Variants in HECTD4 observed in about 807,000 individuals in gnomAD.
HECTD4 encodes probable E3 ubiquitin-protein ligase HECTD4.
Under a neutral mutation model 471.5 loss-of-function variants are expected in HECTD4, and 114 were observed. The ratio of observed to expected loss-of-function variants is 0.24; its 90% CI spans 0.21 to 0.28. The LOEUF is 0.28. Ranked by LOEUF, HECTD4 falls within the 10% of genes least tolerant of loss-of-function variation. The probability of loss-of-function intolerance (pLI) is 1.00; values close to 1 mark genes in which losing one functional copy is unlikely to be tolerated. For synonymous variants in HECTD4, 2,012 were observed against 2,256.0 expected, an observed-to-expected ratio of 0.89 and a Z score of 3.07; for missense variants, 3,866 against 5,651.5, an observed-to-expected ratio of 0.68 and a Z score of 10.13.
At chr12:112,334,248 T>G (rs977946897) in intron 1 of HECTD4, among the ~76,000 whole-genome samples, 1 of 143,106 alleles carries the variant, frequency 7.0e-6, no homozygotes, top group African/African-American at 2.6e-5. Context: ...AATAAATAAA[T>G]AAAGTGGGAG....
At chr12:112,211,634 G>C (rs140725811) in intron 49 of HECTD4, among the ~76,000 whole-genome samples, 5 of 152,086 alleles carry the variant, frequency 3.3e-5, no homozygotes, top group Non-Finnish European at 7.4e-5. Flanking sequence ...GGCAGGGCCG[G>C]GTTGTTGATG....
intron 72 of HECTD4, among the ~76,000 whole-genome samples, 170 bp from the exon 73 acceptor site, chr12:112,164,445 C>T (rs1034537094): frequency 2.0e-5 from 3 of 152,150 alleles, no homozygotes; most frequent in Non-Finnish European, 2.9e-5. Context: ...AGTTCAGGGC[C>T]GGGCGTGTGA....
chr12:112,362,929 C>T (rs190582305), intron 1 of HECTD4, among the ~76,000 whole-genome samples: 32 of 152,134 alleles, frequency 2.1e-4, no homozygotes, highest in Admixed American at 2.0e-3. Flanking sequence ...CTCGAATTCC[C>T]GACCTCATGT....
At chr12:112,360,957 C>A (rs1022778786) in intron 1 of HECTD4, among the ~76,000 whole-genome samples, 39 of 149,156 alleles carry the variant, frequency 2.6e-4, no homozygotes, top group African/African-American at 9.7e-4. Context: ...GCACTCCAGC[C>A]TGGTGAACAA....
intron 1 of HECTD4, among the ~76,000 whole-genome samples, chr12:112,358,621 G>C (rs1445055536): frequency 6.6e-6 from 1 of 152,066 alleles, no homozygotes; most frequent in African/African-American, 2.4e-5. Flanking sequence ...TATGACCATA[G>C]ACAGATTATG....
chr12:112,220,464 C>A (rs145487917), intron 44 of HECTD4, among the ~76,000 whole-genome samples: 1 of 151,940 alleles, frequency 6.6e-6, no homozygotes, highest in African/African-American at 2.4e-5. Context: ...TGACTTCATT[C>A]GAGCATCCAG....
chr12:112,217,041 G>A lies in HECTD4; in HGVS notation c.7229C>T (p.Pro2410Leu), dbSNP rs757670391. The A allele has an allele frequency of 6.3e-7, 1 of 1,583,014 alleles. No homozygotes were observed. The highest frequency in any genetic ancestry group is 8.6e-7 in the Non-Finnish European group (1 of 1,161,014). The change falls in exon 46 of 76, where the codon CCA (proline) becomes CTA (leucine). Residue 2410 changes from proline (P) to leucine (L), a missense_variant. By Grantham distance (98) the Pro-to-Leu change is moderately conservative. Around this residue, in one of 16 missense-constraint regions of HECTD4, gnomAD observed 617 missense variants for 915.1 expected, o/e 0.67. Coordinates refer to ENST00000682272, the MANE Select transcript of HECTD4 (RefSeq NM_001388303.1). The stretch of plus-strand genomic sequence containing the variant: ...TGTCATGTGATGTCTCACCTGAACT[G>A]GCAGTGGTGAAGTGGCATAGATAAA... Reference protein sequence around the residue: ...GTFIYATSPLPVQAPSFYWEI... With the variant: ...GTFIYATSPLLVQAPSFYWEI...
chr12:112,224,415 C>T (rs1264961705), intron 44 of HECTD4, among the ~76,000 whole-genome samples: 2 of 151,790 alleles, frequency 1.3e-5, no homozygotes, highest in East Asian at 1.9e-4. Context: ...TACAGGTGCC[C>T]GCCACCACGC....
At chr12:112,172,954 C>CTG (rs1294573570) in intron 66 of HECTD4, 93 bp from the exon 67 acceptor site, 3 of 1,116,458 alleles carry the variant, frequency 2.7e-6, no homozygotes, top group Non-Finnish European at 4.0e-6. Flanking sequence ...TCCTCAGCTC[C>CTG]TGGAGCACAT....
rs59590181 is a variant in HECTD4 at position 112,367,820 on chromosome 12, CAAAAAAAAAA to C, written c.177+14122_177+14131del. On this transcript the variant is annotated intron_variant, in intron 1 of 75. Transcript: ENST00000682272. The stretch of plus-strand genomic sequence containing the variant: ...TGGGCAACAGAGGGAGACTCCATCT[CAAAAAAAAAA>C]AAAAAAAAAAAAAAAAAACGCTAAC... 4.8e-3 allele frequency among the ~76,000 whole-genome samples: 60 copies of C among 12,572 alleles called. No homozygotes were observed. The East Asian group carries it at 0.061, about 13-fold the overall frequency. 8.2% of individuals were successfully genotyped at this position (12,572 alleles called of 152,430 possible). A position where few individuals can be genotyped will look rare whatever the true frequency, so the allele number is the denominator to read the frequency against.
rs749511197 is a variant in HECTD4, at chr12:112,184,530, G to A, written c.10436C>T (p.Pro3479Leu). ...MEVSTSSSLT[P>L]AMSISASAST... is the part of the protein sequence containing the mutation. ...GGCGGAGGCGCTGATGCTCATGGCG[G>A]GGGTCAGGCTGCTGGACGTGCTGAC... Residue 3479 changes from proline (P) to leucine (L), a missense_variant, in exon 61 of 76, where the codon CCC (proline) becomes CTC (leucine). This residue lies in a region of HECTD4 where 192 missense variants were observed against 189.9 expected (regional missense o/e 1.01). Transcript: ENST00000682272. This position sits in a 1 kb window ranked among gnomAD's most constrained non-coding sequence, Gnocchi z 9.1. 1 of 1,610,814 alleles carries A rather than the reference G, an allele frequency of 6.2e-7. No individual in the cohort carries two copies. Among genetic ancestry groups the A allele is most frequent in the Admixed American group, 1.7e-5 (1 of 59,866 alleles).
At chr12:112,223,232 G>GT (rs1418115076) in intron 44 of HECTD4, among the ~76,000 whole-genome samples, 1 of 152,164 alleles carries the variant, frequency 6.6e-6, no homozygotes, top group African/African-American at 2.4e-5. Context: ...GGCTCAGGGA[G>GT]TAAGTACATT....
intron 7 of HECTD4, among the ~76,000 whole-genome samples, chr12:112,304,269 G>A (rs2035229253): frequency 8.0e-6 from 1 of 125,280 alleles, no homozygotes; most frequent in Non-Finnish European, 1.6e-5. Flanking sequence ...TTTTGAGACA[G>A]GGTCTGTCTC....
In HECTD4 at chr12:112,334,298, T is replaced by C. The variant is rs532530421; in HGVS notation, c.178-14556A>G. Among the ~76,000 whole-genome samples the C allele has an allele frequency of 3.9e-4, 59 of 150,400 alleles. No individual in the cohort carries two copies. In the South Asian group the frequency reaches 0.012, roughly 31 times the overall value. ...CTATACATCTGACAAAGGACTAATA[T>C]CCATAATCTACAGTGAACTCAAACA... On this transcript the variant is annotated intron_variant, in intron 1 of 75. Coordinates refer to ENST00000682272, the MANE Select transcript of HECTD4 (RefSeq NM_001388303.1).
At chr12:112,299,098 T>C (rs1348384489) in intron 7 of HECTD4, among the ~76,000 whole-genome samples, 1 of 152,104 alleles carries the variant, frequency 6.6e-6, no homozygotes, top group African/African-American at 2.4e-5. Context: ...ATTTCAAACA[T>C]ATGCAAAAAA....
Position 112,207,917 on chromosome 12 carries a change from C to T in HECTD4, c.8088G>A (p.Glu2696=). 3 of 1,614,008 alleles carry T rather than the reference C, an allele frequency of 1.9e-6. No homozygotes were observed. The highest frequency in any genetic ancestry group is 2.5e-6 in the Non-Finnish European group (3 of 1,179,878). The change falls in exon 52 of 76, where the codon GAG becomes GAA. Residue 2696 remains glutamate, a synonymous_variant. Transcript: ENST00000682272. ...TIRRRFRNEA[E]RKSGLDQIKG... Reference sequence around the variant, plus strand: ...TTATCTGGTCCAGGCCCGATTTCCGCTCTGCTTCATTGCGGAAGCGTCTTC... The same window carrying T: ...TTATCTGGTCCAGGCCCGATTTCCGTTCTGCTTCATTGCGGAAGCGTCTTC...
rs1438272335 is a variant in HECTD4, at chr12:112,261,329, C to T, written c.2849G>A (p.Ser950Asn). The change falls in exon 18 of 76, where the codon AGT becomes AAT. Residue 950 changes from serine to asparagine, a missense_variant. Physicochemically the swap from Ser to Asn is conservative, Grantham distance 46 (BLOSUM62 1). Around this residue, in one of 16 missense-constraint regions of HECTD4, gnomAD observed 525 missense variants for 672.6 expected, o/e 0.78. Coordinates refer to ENST00000682272, the MANE Select transcript of HECTD4 (RefSeq NM_001388303.1). ...CCTCTGCTCACGGTCTGCTATGTCA[C>T]TATTTATGAGGGCAGTTGTGACCTG... is the stretch of plus-strand genomic sequence containing the variant. ...LQQVTTALIN[S>N]DIADREQRLK... 2 of 1,607,556 alleles carry T rather than the reference C, an allele frequency of 1.2e-6. No individual in the cohort carries two copies. The highest frequency in any genetic ancestry group is 2.7e-5 in the African/African-American group (2 of 74,884).
intron 72 of HECTD4, chr12:112,167,110 T>A (rs972943903): frequency 2.1e-4 from 102 of 490,878 alleles, no homozygotes; most frequent in Non-Finnish European, 3.2e-4. Flanking sequence ...TCATGTCACC[T>A]CCAATCTCTG....
At chr12:112,165,782 C>T (rs950125144) in intron 72 of HECTD4, among the ~76,000 whole-genome samples, 5 of 152,246 alleles carry the variant, frequency 3.3e-5, no homozygotes, top group Admixed American at 6.5e-5. Context: ...CCACATATGG[C>T]GACCAGGATC....
Sources: gnomAD v4.1 joint callset for allele counts (sites outside exome capture counted in the v4.1 genomes callset) on GRCh38, gnomAD v4.1.1 for gene constraint, gnomAD v4.1.1 regional missense constraint, Gnocchi (gnomAD v3.1) non-coding constraint, MANE v1.5 for transcripts, NCBI Gene and HGNC (gene_info 2026-07-23, HGNC 2026-07-21) for gene names.